SYT2: variants seen among roughly 807,000 people sequenced by gnomAD.
SYT2 encodes the protein synaptotagmin 2, also known as synaptotagmin-2.
SYT2 carries 15 observed loss-of-function variants against 39.9 expected under a neutral mutation model. The observed-to-expected ratio is 0.38, with a 90% CI of 0.25 to 0.58. The LOEUF (loss-of-function observed/expected upper bound fraction) is 0.58. SYT2 is among the 20% of genes least tolerant of loss of function. The pLI, the probability that SYT2 is intolerant of heterozygous loss-of-function variation, is 0.70. For synonymous variants in SYT2, 181 were observed against 204.5 expected, an observed-to-expected ratio of 0.89 and a Z score of 0.98; for missense variants, 389 against 530.3, an observed-to-expected ratio of 0.73 and a Z score of 2.62.
intron 1 of SYT2, among the ~76,000 whole-genome samples, chr1:202,661,506 T>C (rs1692378857): frequency 6.6e-6 from 1 of 152,174 alleles, no homozygotes; most frequent in Non-Finnish European, 1.5e-5. Flanking sequence ...GACGGGCTAA[T>C]CCCCCAAACA....
intron 1 of SYT2, chr1:202,639,711 G>A (rs2149095868): frequency 3.0e-6 from 3 of 985,452 alleles, no homozygotes; most frequent in Non-Finnish European, 3.6e-6. Context: ...TGCTTGCTTG[G>A]CCTTTGGCCT....
chr1:202,600,146 C>CAG (rs1690447063), intron 7 of SYT2, among the ~76,000 whole-genome samples: 1 of 152,134 alleles, frequency 6.6e-6, no homozygotes, highest in East Asian at 1.9e-4. Flanking sequence ...AGTGCATGGC[C>CAG]AGAGAGCGCT....
chr1:202,605,527 C>T, intron 2 of SYT2, 68 bp downstream of exon 2: 2 of 1,437,978 alleles, frequency 1.4e-6, no homozygotes, highest in Middle Eastern at 1.8e-4. Flanking sequence ...CCAGTGGTAT[C>T]CCCACCCTTC....
intron 1 of SYT2, among the ~76,000 whole-genome samples, chr1:202,685,344 C>T (rs1255785541): frequency 1.3e-5 from 2 of 152,196 alleles, no homozygotes; most frequent in Non-Finnish European, 2.9e-5. Flanking sequence ...CCTAACACCT[C>T]CATTGCTCAC....
At chr1:202,696,794 C>T (rs2149119748) in intron 1 of SYT2, among the ~76,000 whole-genome samples, 1 of 152,344 alleles carries the variant, frequency 6.6e-6, no homozygotes, top group East Asian at 1.9e-4. Flanking sequence ...TTTTCCTTCT[C>T]TACAGAACTT....
chr1:202,657,138 C>T (rs1375051512), intron 1 of SYT2, among the ~76,000 whole-genome samples: 1 of 152,192 alleles, frequency 6.6e-6, no homozygotes, highest in Non-Finnish European at 1.5e-5. Flanking sequence ...ACATAAGAGC[C>T]AACTGTCCAA....
At chr1:202,620,338 T>TGG (rs1691169304) in intron 1 of SYT2, among the ~76,000 whole-genome samples, 2 of 152,200 alleles carry the variant, frequency 1.3e-5, no homozygotes, top group Admixed American at 6.5e-5. Flanking sequence ...TAAAACATGC[T>TGG]GGGGTCTTGG....
At chr1:202,660,318 T>C (rs1692353497) in intron 1 of SYT2, among the ~76,000 whole-genome samples, 1 of 152,202 alleles carries the variant, frequency 6.6e-6, no homozygotes, top group Non-Finnish European at 1.5e-5. Context: ...AGTTTCCTCA[T>C]CTGTAAGAGG....
chr1:202,611,545 G>A (rs1690884309), intron 1 of SYT2, among the ~76,000 whole-genome samples: 1 of 151,926 alleles, frequency 6.6e-6, no homozygotes, highest in Non-Finnish European at 1.5e-5. Flanking sequence ...TAGTAGAGAC[G>A]GGGTTTTACC....
intron 1 of SYT2, among the ~76,000 whole-genome samples, chr1:202,691,798 G>A (rs1458844995): frequency 7.3e-6 from 1 of 137,248 alleles, no homozygotes; most frequent in Non-Finnish European, 1.6e-5. Context: ...GAGAGGGTGG[G>A]AAGAAAAGGA....
At chr1:202,683,139 G>A (rs1653567396) in intron 1 of SYT2, among the ~76,000 whole-genome samples, 1 of 152,214 alleles carries the variant, frequency 6.6e-6, no homozygotes, top group Non-Finnish European at 1.5e-5. Context: ...ACTGGTGGGA[G>A]TGTAAGTTGG....
At chr1:202,667,866 C>T (rs1358755636) in intron 1 of SYT2, among the ~76,000 whole-genome samples, 1 of 152,034 alleles carries the variant, frequency 6.6e-6, no homozygotes, top group Non-Finnish European at 1.5e-5. Context: ...GCACCTGCCA[C>T]CACACCCAGC....
chr1:202,665,615 G>T (rs993783602), intron 1 of SYT2, among the ~76,000 whole-genome samples: 6 of 147,370 alleles, frequency 4.1e-5, no homozygotes, highest in African/African-American at 7.3e-5. Context: ...TGGGGTCATT[G>T]CTTCATGAAT....
At chr1:202,613,068 CTT>C (rs146069389) in intron 1 of SYT2, among the ~76,000 whole-genome samples, 5,575 of 74,244 alleles carry the variant, frequency 0.075, 389 homozygotes, top group East Asian at 0.3. Context: ...TTGGTTCTTC[CTT>C]TTTTTTTTTT....
Position 202,596,680 on chromosome 1 carries a change from G to A in SYT2, c.*77C>T, listed in dbSNP as rs899673652. 7 of 1,356,544 alleles carry A rather than the reference G, an allele frequency of 5.2e-6. No individual in the cohort carries two copies. The highest frequency in any genetic ancestry group is 7.1e-6 in the Non-Finnish European group (7 of 980,820). The allele number at this position is 1,356,544 out of a possible 1,614,324, so 84.0% of individuals were successfully genotyped here. A position where few individuals can be genotyped will look rare whatever the true frequency, so the allele number is the denominator to read the frequency against. On this transcript the variant is annotated 3_prime_UTR_variant, in exon 9 of 9. Coordinates refer to ENST00000367268, the MANE Select transcript of SYT2 (RefSeq NM_177402.5). ...ATGAAAGAAAAAAGAAAACCTCTAAGGTTGCATAACTGAGGTATTGATAGC... is the reference window on the plus strand; with the variant it reads ...ATGAAAGAAAAAAGAAAACCTCTAAAGTTGCATAACTGAGGTATTGATAGC...
chr1:202,613,120 G>A (rs1310732680), intron 1 of SYT2, among the ~76,000 whole-genome samples: 3 of 114,642 alleles, frequency 2.6e-5, no homozygotes, highest in East Asian at 3.0e-4. Context: ...TCGCTCTGTC[G>A]CCCAGGCTGG....
intron 1 of SYT2, among the ~76,000 whole-genome samples, chr1:202,624,763 T>TCTGC (rs1691318839): frequency 4.8e-5 from 1 of 20,826 alleles, no homozygotes; most frequent in Non-Finnish European, 1.3e-4. Context: ...GTGGTGTGTG[T>TCTGC]GTGGTGTGTG....
In SYT2 at chr1:202,628,829, G is replaced by A. The variant is rs958649141; in HGVS notation, c.-17-23040C>T. 2.6e-5 allele frequency among the ~76,000 whole-genome samples: 4 copies of A among 152,250 alleles called. No homozygotes were observed. Among genetic ancestry groups the A allele is most frequent in the African/African-American group, 7.2e-5 (3 of 41,460 alleles). On this transcript the variant is annotated intron_variant, in intron 1 of 8. Coordinates refer to ENST00000367268, the MANE Select transcript of SYT2 (RefSeq NM_177402.5). The surrounding 1 kb of genome is among the most constrained non-coding windows in gnomAD (Gnocchi z 4.2). ...TGAAACACCAGGTGCTGCCAAGTGGGGTGAATGAGCACCTGGGCTCTGGGC... is the reference window on the plus strand; with the variant it reads ...TGAAACACCAGGTGCTGCCAAGTGGAGTGAATGAGCACCTGGGCTCTGGGC...
At chr1:202,695,822 AT>A (rs1310863533) in intron 1 of SYT2, among the ~76,000 whole-genome samples, 1 of 152,136 alleles carries the variant, frequency 6.6e-6, no homozygotes, top group Non-Finnish European at 1.5e-5. Context: ...TTTCTGAAAC[AT>A]TTATATGACA....
Sources: gnomAD v4.1 joint callset for allele counts (sites outside exome capture counted in the v4.1 genomes callset) on GRCh38, gnomAD v4.1.1 for gene constraint, Gnocchi (gnomAD v3.1) non-coding constraint, MANE v1.5 for transcripts, NCBI Gene and HGNC (gene_info 2026-07-23, HGNC 2026-07-21) for gene names.